Variants in DLG2 observed in about 807,000 individuals in gnomAD.
The protein encoded by DLG2 is disks large homolog 2.
DLG2 carries 45 observed loss-of-function variants against 132.5 expected under a neutral mutation model. That is an observed-to-expected ratio of 0.34 (90% confidence interval 0.27 to 0.44). DLG2 has a LOEUF of 0.44. DLG2 is among the 20% of genes least tolerant of loss of function. The probability of loss-of-function intolerance (pLI) is 1.00; values close to 1 mark genes in which losing one functional copy is unlikely to be tolerated. For synonymous variants in DLG2, 424 were observed against 419.6 expected (o/e 1.01, Z -0.13); for missense variants, 1,045 against 1,196.9 (o/e 0.87, Z 1.87).
At chr11:84,869,387 C>A (rs537819735) in intron 6 of DLG2, among the ~76,000 whole-genome samples, 2 of 152,120 alleles carry the variant, frequency 1.3e-5, no homozygotes, top group Admixed American at 6.5e-5. Flanking sequence ...TCACATGTCA[C>A]GGGCAAGATG....
At chr11:85,240,301 A>G (rs1304801452) in intron 4 of DLG2, among the ~76,000 whole-genome samples, 1 of 151,718 alleles carries the variant, frequency 6.6e-6, no homozygotes, top group Non-Finnish European at 1.5e-5. Flanking sequence ...GACTTTATAT[A>G]TGTTGTTCAT....
At chr11:84,762,131 AG>A (rs2067715466) in intron 6 of DLG2, 1 of 152,208 alleles carries the variant, frequency 6.6e-6, no homozygotes, top group African/African-American at 2.4e-5. Context: ...TTTGAAAACA[AG>A]GTGGGGCCTT....
At chr11:83,480,591 T>C in intron 22 of DLG2, 1 of 1,554,008 alleles carries the variant, frequency 6.4e-7, no homozygotes, top group Non-Finnish European at 8.7e-7. Context: ...TTTATCTCCA[T>C]TTTACAGGAA....
At chr11:83,558,442 T>C (rs758666811) in intron 19 of DLG2, among the ~76,000 whole-genome samples, 2 of 152,190 alleles carry the variant, frequency 1.3e-5, no homozygotes, top group Non-Finnish European at 2.9e-5. Flanking sequence ...TCTGTTAGTA[T>C]GGTGTTCAAG....
At chr11:84,203,581 C>CAAAAAAAAAAAA (rs58934857) in intron 8 of DLG2, among the ~76,000 whole-genome samples, 7 of 99,410 alleles carry the variant, frequency 7.0e-5, no homozygotes, top group African/African-American at 2.1e-4. Flanking sequence ...GACTCCGTCT[C>CAAAAAAAAAAAA]AAAAAAAAAA....
chr11:84,858,121 G>A (rs2083044067), intron 6 of DLG2, among the ~76,000 whole-genome samples: 1 of 151,998 alleles, frequency 6.6e-6, no homozygotes, highest in African/African-American at 2.4e-5. Flanking sequence ...ATGAACTCTT[G>A]AGCTCAAGTG....
intron 3 of DLG2, among the ~76,000 whole-genome samples, chr11:85,319,261 T>C (rs1729674845): frequency 6.6e-6 from 1 of 151,810 alleles, no homozygotes; most frequent in African/African-American, 2.4e-5. Context: ...TTTAAATCTT[T>C]CTTTTTTCCC....
intron 6 of DLG2, among the ~76,000 whole-genome samples, chr11:84,870,583 G>A (rs369174436): frequency 7.1e-4 from 108 of 152,188 alleles, no homozygotes; most frequent in Non-Finnish European, 1.1e-3. Context: ...CAAGTAACTC[G>A]CAATAGCTGT....
chr11:85,439,940 G>C (rs1199076091), intron 3 of DLG2, among the ~76,000 whole-genome samples: 14 of 152,138 alleles, frequency 9.2e-5, no homozygotes, highest in Admixed American at 9.2e-4. Context: ...ATAAACGCTA[G>C]ATAGAGGTAT....
chr11:84,661,980 A>T (rs979012240), intron 6 of DLG2, among the ~76,000 whole-genome samples: 2 of 151,960 alleles, frequency 1.3e-5, no homozygotes, highest in Admixed American at 6.6e-5. Flanking sequence ...CCCCTCCCCC[A>T]TGCATGTTTT....
rs2093550250 is a variant in DLG2, at chr11:83,486,896, T to C, written c.2194-2668A>G. Among the ~76,000 whole-genome samples the C allele has an allele frequency of 2.0e-5, 3 of 152,130 alleles. No individual in the cohort carries two copies. The South Asian group carries it at 6.2e-4, about 31-fold the overall frequency. On this transcript the variant is annotated intron_variant, in intron 21 of 27. Transcript: ENST00000376104. ...CATTTCAACTATAAGAGAGACTATA[T>C]GTGGTTTATAATGCTTTAACAGTAT...
chr11:85,286,883 A>G (rs891153569), intron 3 of DLG2, among the ~76,000 whole-genome samples: 20 of 152,250 alleles, frequency 1.3e-4, no homozygotes, highest in Admixed American at 2.0e-4. Context: ...GCCCCAGCAA[A>G]TAAAGAAATA....
At chr11:85,248,262 T>G (rs1473256054) in intron 4 of DLG2, among the ~76,000 whole-genome samples, 1 of 152,170 alleles carries the variant, frequency 6.6e-6, no homozygotes, top group Non-Finnish European at 1.5e-5. Flanking sequence ...GTGTTTTCAC[T>G]GCTTCATCAT....
intron 7 of DLG2, among the ~76,000 whole-genome samples, chr11:84,309,053 G>A (rs1220871631): frequency 2.0e-5 from 3 of 152,296 alleles, no homozygotes; most frequent in Admixed American, 6.5e-5. Flanking sequence ...AGGAGGCACC[G>A]AGAGCAAGCA....
intron 6 of DLG2, among the ~76,000 whole-genome samples, chr11:84,934,437 T>C (rs1232402170): frequency 1.3e-5 from 2 of 150,712 alleles, no homozygotes; most frequent in East Asian, 3.9e-4. Flanking sequence ...GTAGTTTCAG[T>C]AGGAGTGATA....
intron 13 of DLG2, 134 bp from the exon 14 acceptor site, chr11:83,963,157 G>C (rs892809665): frequency 3.0e-5 from 27 of 909,742 alleles, no homozygotes; most frequent in African/African-American, 1.3e-4. Context: ...CCTCCCAGAG[G>C]GGGGAGTTGC....
chr11:84,786,402 G>A (rs931787978), intron 6 of DLG2, among the ~76,000 whole-genome samples: 6 of 152,242 alleles, frequency 3.9e-5, no homozygotes, highest in African/African-American at 1.4e-4. Flanking sequence ...ATAAGAAAAC[G>A]TAGAAATTCT....
intron 8 of DLG2, among the ~76,000 whole-genome samples, chr11:84,244,882 A>T (rs1379997595): frequency 6.6e-6 from 1 of 152,228 alleles, no homozygotes; most frequent in East Asian, 1.9e-4. Context: ...TTCCCATCAG[A>T]GGCAATTATG....
chr11:85,104,606 A>G (rs529155856), intron 6 of DLG2, among the ~76,000 whole-genome samples: 1 of 151,988 alleles, frequency 6.6e-6, no homozygotes, highest in South Asian at 2.1e-4. Context: ...GGTCATAAAA[A>G]TGTCCCAGAA....
Sources: allele counts gnomAD v4.1 joint callset (sites outside exome capture counted in the v4.1 genomes callset), GRCh38; gene constraint gnomAD v4.1.1; transcripts MANE v1.5; gene names NCBI Gene and HGNC (gene_info 2026-07-23, HGNC 2026-07-21).